Variants in LOC400499 observed in about 807,000 individuals in gnomAD.
At chr16:11,462,190 T>C in the LOC400499 span, 1 of 1,534,854 alleles carries the variant, frequency 6.5e-7, no homozygotes, top group South Asian at 1.2e-5. Context: ...CCACCTGCCG[T>C]GTGAGGTTCC....
At chr16:11,410,297 T>TA in the LOC400499 span, among the ~76,000 whole-genome samples, 1 of 151,864 alleles carries the variant, frequency 6.6e-6, no homozygotes, top group African/African-American at 2.4e-5. Flanking sequence ...CTACCAAAAA[T>TA]ACAAAAATTA....
At chr16:11,407,175 C>T in the LOC400499 span, 26 of 398,988 alleles carry the variant, frequency 6.5e-5, no homozygotes, top group Non-Finnish European at 9.7e-5. Context: ...CAGCGTGCTC[C>T]GGCCCTGGGC....
the LOC400499 span, among the ~76,000 whole-genome samples, chr16:11,483,708 T>C: frequency 6.9e-6 from 1 of 145,296 alleles, no homozygotes; most frequent in African/African-American, 2.6e-5. Flanking sequence ...TGTACAACTT[T>C]TAAAAAAAAA....
chr16:11,484,750 C>T, the LOC400499 span: 3 of 397,328 alleles, frequency 7.6e-6, no homozygotes, highest in African/African-American at 2.1e-5. Flanking sequence ...TTTGAACCAG[C>T]CACTTAATTC....
At chr16:11,391,610 G>C in the LOC400499 span, 1 of 1,217,366 alleles carries the variant, frequency 8.2e-7, no homozygotes, top group South Asian at 4.2e-5. Context: ...GGCCCCGGTG[G>C]AGAGGGGGGA....
chr16:11,451,648 T>G, the LOC400499 span, among the ~76,000 whole-genome samples: 1 of 152,202 alleles, frequency 6.6e-6, no homozygotes, highest in East Asian at 1.9e-4. Flanking sequence ...AGAAGGAATT[T>G]GATAAAAATT....
At chr16:11,385,229 G>T in the LOC400499 span, 111,141 of 1,232,142 alleles carry the variant, frequency 0.09, 5,468 homozygotes, top group Middle Eastern at 0.15. Context: ...TGGGGTAGAG[G>T]ATGAGGGTCT....
chr16:11,449,955 C>T, the LOC400499 span, among the ~76,000 whole-genome samples: 23 of 152,338 alleles, frequency 1.5e-4, no homozygotes, highest in African/African-American at 4.8e-4. Flanking sequence ...GCCGGCTAGC[C>T]GACCACACCT....
chr16:11,400,977 T>A, the LOC400499 span, among the ~76,000 whole-genome samples: 184 of 152,256 alleles, frequency 1.2e-3, 1 homozygote, highest in African/African-American at 4.0e-3. Context: ...AACAAGCAAC[T>A]ATAAATGATC....
At chr16:11,485,122 G>T in the LOC400499 span, 15 of 398,784 alleles carry the variant, frequency 3.8e-5, no homozygotes, top group African/African-American at 1.9e-4. Context: ...AGTCACAGGG[G>T]TGATGATGAG....
the LOC400499 span, chr16:11,450,877 A>C: frequency 5.5e-6 from 8 of 1,445,520 alleles, no homozygotes; most frequent in Non-Finnish European, 7.5e-6. Context: ...AGCTTCTAGC[A>C]GGCAGCTGGA....
chr16:11,382,902 G>A, the LOC400499 span, among the ~76,000 whole-genome samples: 1 of 151,970 alleles, frequency 6.6e-6, no homozygotes, highest in African/African-American at 2.4e-5. Flanking sequence ...TCCATTTACA[G>A]TGATATAAAG....
chr16:11,522,729 C>T, the LOC400499 span, among the ~76,000 whole-genome samples: 3 of 152,188 alleles, frequency 2.0e-5, no homozygotes, highest in Admixed American at 6.5e-5. Flanking sequence ...AGTCTGACTA[C>T]TCACCTATCA....
At chr16:11,410,734 TG>T in the LOC400499 span, among the ~76,000 whole-genome samples, 27 of 152,232 alleles carry the variant, frequency 1.8e-4, no homozygotes, top group African/African-American at 6.3e-4. Context: ...AACTACTGTG[TG>T]CTGGGCCCTG....
chr16:11,420,771 G>A, the LOC400499 span, among the ~76,000 whole-genome samples: 15 of 152,108 alleles, frequency 9.9e-5, no homozygotes, highest in South Asian at 1.0e-3. Context: ...TGCATCACCC[G>A]GGCTGAGAAA....
At chr16:11,500,618 G>A in the LOC400499 span, among the ~76,000 whole-genome samples, 1 of 152,030 alleles carries the variant, frequency 6.6e-6, no homozygotes, top group Non-Finnish European at 1.5e-5. Flanking sequence ...CTTGAACCCG[G>A]AATTCTCTGA....
the LOC400499 span, among the ~76,000 whole-genome samples, chr16:11,378,452 T>G: frequency 6.6e-6 from 1 of 152,114 alleles, no homozygotes; most frequent in African/African-American, 2.4e-5. Flanking sequence ...TTAGTAGAGC[T>G]GGGGTTTTGC....
chr16:11,500,511 A>AAATAATGAT, the LOC400499 span, among the ~76,000 whole-genome samples: 1 of 143,906 alleles, frequency 6.9e-6, no homozygotes, highest in African/African-American at 2.6e-5. Context: ...ACTCCGTCCT[A>AAATAATGAT]AATAATAATA....
the LOC400499 span, chr16:11,417,665 C>T: frequency 6.1e-3 from 2,445 of 399,196 alleles, 66 homozygotes; most frequent in African/African-American, 0.045. Flanking sequence ...AGGCAGGCCT[C>T]GCCTGGGAAC....
Sources: gnomAD v4.1 joint callset for allele counts (sites outside exome capture counted in the v4.1 genomes callset) on GRCh38, gnomAD v4.1.1 for gene constraint, MANE v1.5 for transcripts.